The following METTL3 variants were observed in gnomAD, a reference collection of about 807,000 sequenced individuals.
The protein encoded by METTL3 is methyltransferase 3, N6-adenosine-methyltransferase complex catalytic subunit, also known as N(6)-adenosine-methyltransferase catalytic subunit METTL3.
A neutral mutation model predicts 64.3 loss-of-function variants in METTL3; 42 were observed. The observed-to-expected ratio is 0.65, with a 90% CI of 0.51 to 0.84. METTL3 has a LOEUF of 0.84. Ranked by LOEUF, METTL3 falls within the 40% of genes least tolerant of loss-of-function variation. The probability of loss-of-function intolerance (pLI) is 0.00; values close to 1 mark genes in which losing one functional copy is unlikely to be tolerated. For synonymous variants in METTL3, 256 were observed against 263.6 expected (o/e 0.97, Z 0.28); for missense variants, 435 against 722.3 (o/e 0.60, Z 4.56).
In METTL3 at chr14:21,503,760, T is replaced by C; in HGVS notation, c.222A>G (p.Thr74=). 1 of 1,614,238 alleles carries C rather than the reference T, an allele frequency of 6.2e-7. No homozygotes were observed. Among genetic ancestry groups the C allele is most frequent in the Non-Finnish European group, 8.5e-7 (1 of 1,180,042 alleles). Residue 74 remains threonine, a synonymous_variant, in exon 2 of 11, where the codon ACA becomes ACG. Coordinates refer to ENST00000298717, the MANE Select transcript of METTL3 (RefSeq NM_019852.5). ...GCAACTTCTTCTCTAACTCAGGATC[T>C]GTAGCTAATTCAGGAACTGCTGAAG... ...STASAVPELA[T]DPELEKKLLH...
chr14:21,505,154 T>A (rs938654415), intron 1 of METTL3, among the ~76,000 whole-genome samples: 2 of 151,684 alleles, frequency 1.3e-5, no homozygotes, highest in Non-Finnish European at 2.9e-5. Flanking sequence ...AAAATTTTTT[T>A]AAAAATTAGC....
intron 1 of METTL3, 180 bp downstream of exon 1, chr14:21,510,944 A>G: frequency 7.6e-6 from 5 of 656,866 alleles, no homozygotes; most frequent in South Asian, 6.3e-5. Flanking sequence ...CGTGAGGAGG[A>G]ACCGCGAACT....
chr14:21,503,918 C>A (rs368142931), intron 1 of METTL3, 37 bp from the exon 2 acceptor site: 1 of 1,585,540 alleles, frequency 6.3e-7, no homozygotes, highest in Non-Finnish European at 8.6e-7. Context: ...AAAAAGGCAA[C>A]CACTGTTGGT....
chr14:21,509,118 T>C (rs1264805970), intron 1 of METTL3, among the ~76,000 whole-genome samples: 4 of 151,418 alleles, frequency 2.6e-5, no homozygotes, highest in East Asian at 2.0e-4. Flanking sequence ...CGTGAGTGGA[T>C]TGCTTGAGCT....
chr14:21,508,070 C>T (rs1891741557), intron 1 of METTL3: 2 of 152,146 alleles, frequency 1.3e-5, no homozygotes, highest in Admixed American at 1.3e-4. Flanking sequence ...GCCTGGGCAA[C>T]ATGGCAAGGC....
At chr14:21,501,658 G>A in intron 4 of METTL3, 70 bp downstream of exon 4, 2 of 1,591,232 alleles carry the variant, frequency 1.3e-6, no homozygotes, top group Non-Finnish European at 1.7e-6. Flanking sequence ...CCCAATGACT[G>A]GAAGGAATAT....
At chr14:21,504,671 C>T (rs1356331104) in intron 1 of METTL3, 1 of 152,128 alleles carries the variant, frequency 6.6e-6, no homozygotes, top group Admixed American at 6.5e-5. Context: ...GGGCTCACGC[C>T]TGTAATCCCA....
At chr14:21,508,208 A>G (rs1304258489) in intron 1 of METTL3, 1 of 152,382 alleles carries the variant, frequency 6.6e-6, no homozygotes, top group Non-Finnish European at 1.5e-5. Context: ...GACTGCAGTA[A>G]GCTGTGTTCA....
intron 1 of METTL3, 97 bp from the exon 2 acceptor site, chr14:21,503,978 T>C: frequency 8.8e-7 from 1 of 1,133,120 alleles, no homozygotes; most frequent in Non-Finnish European, 1.2e-6. Context: ...TACACAGATC[T>C]TTCATTTTGT....
At chr14:21,501,979 T>C in intron 3 of METTL3, 76 bp from the exon 4 acceptor site, 1 of 1,312,294 alleles carries the variant, frequency 7.6e-7, no homozygotes, top group Non-Finnish European at 1.1e-6. Context: ...GCAAATTCTT[T>C]TTGACATTAA....
At chr14:21,502,210 T>C (rs942080441) in intron 3 of METTL3, among the ~76,000 whole-genome samples, 1 of 151,998 alleles carries the variant, frequency 6.6e-6, no homozygotes, top group African/African-American at 2.4e-5. Flanking sequence ...TTACTTTCTA[T>C]AGGGATAGGG....
In METTL3 at chr14:21,499,152, C is replaced by G. The variant is rs1891489815; in HGVS notation, c.1519-15G>C. 1 of 1,604,242 alleles carries G rather than the reference C, an allele frequency of 6.2e-7. No individual in the cohort carries two copies. Among genetic ancestry groups the G allele is most frequent in the Non-Finnish European group, 8.5e-7 (1 of 1,171,182 alleles). On this transcript the variant is annotated splice_polypyrimidine_tract_variant and intron_variant, in intron 9 of 10. Coordinates refer to ENST00000298717, the MANE Select transcript of METTL3 (RefSeq NM_019852.5). Reference sequence around the variant, plus strand: ...GTGGAACGAACCTAGGAAATAAAAACTAGCTGCTTTTTAAGTTACACAAGA... The same window carrying G: ...GTGGAACGAACCTAGGAAATAAAAAGTAGCTGCTTTTTAAGTTACACAAGA...
At chr14:21,511,092 T>C (rs749526453) in intron 1 of METTL3, 32 bp downstream of exon 1, 2 of 1,609,338 alleles carry the variant, frequency 1.2e-6, no homozygotes, top group Admixed American at 3.4e-5. Flanking sequence ...CCTCCCCGGT[T>C]GAGCCTCGGC....
Position 21,499,923 on chromosome 14 carries a change from G to C in METTL3, c.1305-121C>G, listed in dbSNP as rs1044016043. ...GTAGACGCTCAGTGAACATTTACAT[G>C]CACACCACCAAAAGCATGGTGGATC... On this transcript the variant is annotated intron_variant, in intron 6 of 10. Coordinates refer to ENST00000298717, the MANE Select transcript of METTL3 (RefSeq NM_019852.5). The C allele has an allele frequency of 1.1e-5, 9 of 846,474 alleles. No homozygotes were observed. In the African/African-American group the frequency reaches 1.2e-4, roughly 11 times the overall value. 52.4% of individuals were successfully genotyped at this position (846,474 alleles called of 1,614,324 possible).
intron 10 of METTL3, 48 bp from the exon 11 acceptor site, chr14:21,498,417 G>T (rs769409614): frequency 4.4e-6 from 7 of 1,585,906 alleles, no homozygotes; most frequent in Non-Finnish European, 6.1e-6. Context: ...TGGAATTAGA[G>T]GGTTTAATAT....
At position 21,503,192 on chromosome 14, in the gene METTL3, T is replaced by C. The variant is rs1226201456; in HGVS notation, c.704A>G (p.Lys235Arg). 1 of 1,612,850 alleles carries C rather than the reference T, an allele frequency of 6.2e-7. No homozygotes were observed. The highest frequency in any genetic ancestry group is 8.5e-7 in the Non-Finnish European group (1 of 1,179,380). Reference protein sequence around the residue: ...IESLLNQQSTKEQQSKKVSQE... With the variant: ...IESLLNQQSTREQQSKKVSQE... ...CCCTACCTTCTTGCTCTGTTGTTCC[T>C]TAGTGGACTGTTGGTTCAGAAGGCT... The change falls in exon 3 of 11, where the codon AAG becomes AGG. Residue 235 changes from lysine to arginine, a missense_variant. Physicochemically the swap from Lys to Arg is conservative, Grantham distance 26 (BLOSUM62 2). Coordinates refer to ENST00000298717, the MANE Select transcript of METTL3 (RefSeq NM_019852.5).
intron 3 of METTL3, among the ~76,000 whole-genome samples, chr14:21,502,116 C>A (rs941745148): frequency 6.6e-6 from 1 of 150,544 alleles, no homozygotes; most frequent in Non-Finnish European, 1.5e-5. Flanking sequence ...AACTCCCAGG[C>A]TCAAGTGATC....
chr14:21,507,177 G>C (rs1461612630), intron 1 of METTL3, among the ~76,000 whole-genome samples: 1 of 150,682 alleles, frequency 6.6e-6, no homozygotes, highest in Non-Finnish European at 1.5e-5. Context: ...GCGAAACTCT[G>C]TCTCAAAAAA....
Position 21,502,993 on chromosome 14 carries a change from C to T in METTL3, c.723+180G>A, listed in dbSNP as rs915489536. The T allele has an allele frequency of 1.1e-4, 71 of 670,454 alleles. 1 individual carries two copies. Among genetic ancestry groups the T allele is most frequent in the Admixed American group, 1.8e-4 (6 of 34,182 alleles). The allele number at this position is 670,454 out of a possible 1,614,324, so 41.5% of individuals were successfully genotyped here. A position where few individuals can be genotyped will look rare whatever the true frequency, so the allele number is the denominator to read the frequency against. ...CCCACTAGATGCCAATAGCACTCCC[C>T]CATGTGTGACAATAAAAATGTCTCC... On this transcript the variant is annotated intron_variant, in intron 3 of 10. Transcript: ENST00000298717.
Sources: gnomAD v4.1 joint callset for allele counts (sites outside exome capture counted in the v4.1 genomes callset) on GRCh38, gnomAD v4.1.1 for gene constraint, MANE v1.5 for transcripts, NCBI Gene and HGNC (gene_info 2026-07-23, HGNC 2026-07-21) for gene names.